The following IFT43 variants were observed in gnomAD, a reference collection of about 807,000 sequenced individuals.
IFT43 encodes intraflagellar transport protein 43 homolog.
A neutral mutation model predicts 32.3 loss-of-function variants in IFT43; 33 were observed. The observed-to-expected ratio is 1.02, with a 90% CI of 0.77 to 1.37. The LOEUF (loss-of-function observed/expected upper bound fraction) is 1.37, where lower values mean the gene tolerates loss of function less well. Ranked by LOEUF, IFT43 falls within the 40% of genes most tolerant of loss-of-function variation. The pLI is 0.00. For missense variants in IFT43, 274 were observed against 265.9 expected (o/e 1.03, Z -0.21); for synonymous variants, 93 against 98.2 (o/e 0.95, Z 0.31).
At chr14:76,047,682 CGCCTGCCTGCCTGCCCGCCT>C (rs1301390351) in intron 3 of IFT43, among the ~76,000 whole-genome samples, 1 of 151,036 alleles carries the variant, frequency 6.6e-6, no homozygotes, top group Non-Finnish European at 1.5e-5. Context: ...ACTGCCCGCC[CGCCTGCCTGCCTGCCCGCCT>C]GCCTTCCTCC....
chr14:76,079,630 G>A (rs2037472425), intron 5 of IFT43, among the ~76,000 whole-genome samples: 1 of 152,138 alleles, frequency 6.6e-6, no homozygotes, highest in Non-Finnish European at 1.5e-5. Flanking sequence ...CTCCGTTTTA[G>A]CAACATTGAA....
intron 1 of IFT43, among the ~76,000 whole-genome samples, chr14:75,986,750 A>T (rs866837562): frequency 1.2e-4 from 18 of 152,152 alleles, no homozygotes; most frequent in Admixed American, 4.6e-4. Context: ...ACTGGTTAGG[A>T]TCGCACTTAC....
intron 3 of IFT43, among the ~76,000 whole-genome samples, chr14:76,054,136 G>A (rs1409038709): frequency 2.0e-5 from 3 of 152,196 alleles, no homozygotes; most frequent in Non-Finnish European, 4.4e-5. Flanking sequence ...TACGTGACTA[G>A]GTCCCATTTC....
intron 5 of IFT43, among the ~76,000 whole-genome samples, chr14:76,077,211 T>G (rs2037427738): frequency 1.5e-5 from 2 of 132,536 alleles, no homozygotes; most frequent in Admixed American, 1.5e-4. Context: ...TTCTTGGATA[T>G]GCACAGGGCT....
intron 3 of IFT43, among the ~76,000 whole-genome samples, chr14:76,052,906 A>G (rs1382026383): frequency 1.3e-5 from 2 of 152,172 alleles, no homozygotes; most frequent in Non-Finnish European, 2.9e-5. Flanking sequence ...CGTCCTGAAA[A>G]TATTAGTTGG....
chr14:76,083,636 T>C lies in IFT43; in HGVS notation c.*59T>C. The C allele has an allele frequency of 5.8e-6, 9 of 1,552,838 alleles. No individual in the cohort carries two copies. The highest frequency in any genetic ancestry group is 8.0e-6 in the Non-Finnish European group (9 of 1,129,766). ...CAATGAGCTTAAAGCTAAAGAAGCT[T>C]GTAAGCAGCTCCGAATTTTTACCTG... On this transcript the variant is annotated 3_prime_UTR_variant, in exon 9 of 9. Transcript: ENST00000314067.
intron 2 of IFT43, among the ~76,000 whole-genome samples, chr14:76,012,546 T>C (rs1207591854): frequency 1.3e-5 from 2 of 152,234 alleles, no homozygotes; most frequent in African/African-American, 4.8e-5. Flanking sequence ...CTGCCCCCTG[T>C]TTATTTTTGG....
At position 76,011,770 on chromosome 14, in the gene IFT43, A is replaced by G. The variant is rs369142237; in HGVS notation, c.148-10557A>G. Among the ~76,000 whole-genome samples, 188 of 152,272 alleles carry G rather than the reference A, an allele frequency of 1.2e-3. 5 individuals carry two copies. The South Asian group carries it at 0.037, about 30-fold the overall frequency. On this transcript the variant is annotated intron_variant, in intron 2 of 8. Coordinates refer to ENST00000314067, the MANE Select transcript of IFT43 (RefSeq NM_001102564.3). ...CATTACCTTCCATGACCTTAAATCT[A>G]CTATGGAGAAACTCAGTTCTCTGAG...
intron 2 of IFT43, among the ~76,000 whole-genome samples, chr14:76,017,628 G>T (rs1026439398): frequency 2.0e-5 from 3 of 151,986 alleles, no homozygotes; most frequent in Non-Finnish European, 4.4e-5. Context: ...GAGAAAAATT[G>T]GTGTTTGTTC....
In IFT43 at chr14:76,065,872, G is replaced by A. The variant is rs71431115; in HGVS notation, c.295+6499G>A. Among the ~76,000 whole-genome samples the A allele has an allele frequency of 6.5e-3, 986 of 152,304 alleles. 9 individuals carry two copies. Among genetic ancestry groups the A allele is most frequent in the South Asian group, 0.02 (99 of 4,832 alleles). ...TGGGCTCAACCAGTCCTTCCACCTC[G>A]GTTTCCCGAAGTGCCGGACTACAGG... is the stretch of plus-strand genomic sequence containing the variant. On this transcript the variant is annotated intron_variant, in intron 5 of 8. Coordinates refer to ENST00000314067, the MANE Select transcript of IFT43 (RefSeq NM_001102564.3).
At chr14:76,038,391 C>T (rs758825692) in intron 3 of IFT43, among the ~76,000 whole-genome samples, 17 of 152,280 alleles carry the variant, frequency 1.1e-4, no homozygotes, top group African/African-American at 3.8e-4. Flanking sequence ...TTTTCTTTCA[C>T]GTGCCTTCCA....
chr14:76,064,922 C>CT (rs2037202544), intron 5 of IFT43, among the ~76,000 whole-genome samples: 1 of 152,144 alleles, frequency 6.6e-6, no homozygotes, highest in Non-Finnish European at 1.5e-5. Flanking sequence ...ACTTTCTCTA[C>CT]TTTTTTCATC....
intron 2 of IFT43, among the ~76,000 whole-genome samples, chr14:75,990,748 C>A (rs2139865639): frequency 1.3e-5 from 2 of 152,284 alleles, no homozygotes; most frequent in Middle Eastern, 6.8e-3. Flanking sequence ...GGAGCTTGAA[C>A]TGCAGTGGTG....
At chr14:76,078,690 A>C (rs1456765714) in intron 5 of IFT43, among the ~76,000 whole-genome samples, 6 of 152,224 alleles carry the variant, frequency 3.9e-5, no homozygotes, top group Non-Finnish European at 7.3e-5. Flanking sequence ...CTGTTTAAGC[A>C]TCAGAGCTGG....
At chr14:76,081,407 C>T (rs150298977) in intron 5 of IFT43, among the ~76,000 whole-genome samples, 3 of 152,228 alleles carry the variant, frequency 2.0e-5, no homozygotes, top group African/African-American at 7.2e-5. Context: ...CCTTCTCCCC[C>T]ACCCCTGACC....
intron 2 of IFT43, among the ~76,000 whole-genome samples, chr14:76,018,717 G>C (rs1594820430): frequency 6.6e-6 from 1 of 152,044 alleles, no homozygotes; most frequent in Non-Finnish European, 1.5e-5. Flanking sequence ...TTATTATCTG[G>C]AGGCTCCAGT....
intron 1 of IFT43, among the ~76,000 whole-genome samples, chr14:75,987,844 A>G (rs1468625257): frequency 6.6e-6 from 1 of 152,212 alleles, no homozygotes; most frequent in Non-Finnish European, 1.5e-5. Flanking sequence ...TTCCAAAGAT[A>G]ATGTCTCAAA....
At chr14:76,070,246 C>T (rs949846422) in intron 5 of IFT43, among the ~76,000 whole-genome samples, 33 of 152,216 alleles carry the variant, frequency 2.2e-4, no homozygotes, top group African/African-American at 8.0e-4. Context: ...TCTCCCTCTT[C>T]CCATTCATCT....
chr14:75,999,769 C>T (rs1389303300), intron 2 of IFT43, among the ~76,000 whole-genome samples: 4 of 152,162 alleles, frequency 2.6e-5, no homozygotes, highest in African/African-American at 9.7e-5. Context: ...TAAGGCATGC[C>T]ATTGCACAGG....
Sources: allele counts gnomAD v4.1 joint callset (sites outside exome capture counted in the v4.1 genomes callset), GRCh38; gene constraint gnomAD v4.1.1; transcripts MANE v1.5; gene names NCBI Gene and HGNC (gene_info 2026-07-23, HGNC 2026-07-21).